Variants in SEPTIN3 observed in about 807,000 individuals in gnomAD.
SEPTIN3 encodes the protein neuronal-specific septin-3.
Under a neutral mutation model 45.1 loss-of-function variants are expected in SEPTIN3, and 15 were observed. The observed-to-expected ratio is 0.33, with a 90% CI of 0.22 to 0.51. The LOEUF is 0.51. SEPTIN3 is among the 20% of genes least tolerant of loss of function. The pLI is 0.97. For synonymous variants in SEPTIN3, 148 were observed against 164.8 expected (o/e 0.90, Z 0.78); for missense variants, 289 against 457.2 (o/e 0.63, Z 3.35).
In SEPTIN3 at chr22:41,985,861, G is replaced by A. The variant is rs1345886010; in HGVS notation, c.1697-123G>A. 4.8e-6 allele frequency: 6 copies of A among 1,241,234 alleles called. No individual in the cohort carries two copies. In the East Asian group the frequency reaches 1.4e-4, roughly 29 times the overall value. The allele number at this position is 1,241,234 out of a possible 1,614,324, so 76.9% of individuals were successfully genotyped here. A position where few individuals can be genotyped will look rare whatever the true frequency, so the allele number is the denominator to read the frequency against. ...CCCCACTCAGCCTGGCCATCCCCCA[G>A]TGAGTGGTCAGACAAGGTGTGGCCT... On this transcript the variant is annotated intron_variant, in intron 3 of 11. Transcript: ENST00000644076.
chr22:41,993,666 T>A (rs932485808), intron 9 of SEPTIN3, among the ~76,000 whole-genome samples: 1 of 151,880 alleles, frequency 6.6e-6, no homozygotes, highest in African/African-American at 2.4e-5. Context: ...ATTTTATTTT[T>A]ATTTTTAATA....
Position 41,994,444 on chromosome 22 carries a change from A to G in SEPTIN3, c.2411+103A>G, listed in dbSNP as rs2146727341. 2 of 1,507,978 alleles carry G rather than the reference A, an allele frequency of 1.3e-6. No homozygotes were observed. The highest frequency in any genetic ancestry group is 1.8e-6 in the Non-Finnish European group (2 of 1,091,734). 93.4% of individuals were successfully genotyped at this position (1,507,978 alleles called of 1,614,324 possible). On this transcript the variant is annotated intron_variant, in intron 10 of 11. Transcript: ENST00000644076. This position sits in a 1 kb window ranked among gnomAD's most constrained non-coding sequence, Gnocchi z 4.2. ...TCCTGCATCTCCAGGTCTCTCTGACAGAGCTTTCTGCCCCAGTTCCAGCTC... is the reference window on the plus strand; with the variant it reads ...TCCTGCATCTCCAGGTCTCTCTGACGGAGCTTTCTGCCCCAGTTCCAGCTC...
intron 2 of SEPTIN3, among the ~76,000 whole-genome samples, chr22:41,980,327 A>G (rs2078102089): frequency 6.6e-6 from 1 of 151,936 alleles, no homozygotes; most frequent in Admixed American, 6.6e-5. Context: ...TAATAGAGAC[A>G]GGGTTTCACT....
At chr22:41,978,358 A>C (rs1407396074) in intron 2 of SEPTIN3, among the ~76,000 whole-genome samples, 2 of 152,216 alleles carry the variant, frequency 1.3e-5, no homozygotes, top group African/African-American at 4.8e-5. Flanking sequence ...CCCGCCCTAA[A>C]GAAGGGTGAG....
chr22:41,994,920 T>TGTGTGA lies in SEPTIN3; in HGVS notation c.2505+209_2505+210insTGAGTG, dbSNP rs1556270935. 7.0e-7 allele frequency: 1 copy of TGTGTGA among 1,433,600 alleles called. No homozygotes were observed. Among genetic ancestry groups the TGTGTGA allele is most frequent in the Non-Finnish European group, 9.2e-7 (1 of 1,090,684 alleles). 88.8% of individuals were successfully genotyped at this position (1,433,600 alleles called of 1,614,324 possible). On this transcript the variant is annotated intron_variant, in intron 11 of 11. Transcript: ENST00000644076. This position sits in a 1 kb window ranked among gnomAD's most constrained non-coding sequence, Gnocchi z 4.2. The stretch of plus-strand genomic sequence containing the variant: ...GTGTGTGTGTGTGTGTGTGTGTGTG[T>TGTGTGA]GTGACAGAGAGAGAGCGAGAGAGCC...
At chr22:41,990,484 G>A (rs540269140) in intron 7 of SEPTIN3, among the ~76,000 whole-genome samples, 29 of 150,976 alleles carry the variant, frequency 1.9e-4, no homozygotes, top group South Asian at 4.2e-4. Flanking sequence ...GGTGGCTCAT[G>A]CCTGTAATCC....
At position 41,972,797 on chromosome 22, in the gene SEPTIN3, G is replaced by C; in HGVS notation, c.1305G>C (p.Val435=). 2.5e-6 allele frequency: 1 copy of C among 399,160 alleles called. No individual in the cohort carries two copies. Among genetic ancestry groups the C allele is most frequent in the Non-Finnish European group, 4.4e-6 (1 of 226,156 alleles). 24.7% of individuals were successfully genotyped at this position (399,160 alleles called of 1,614,324 possible). ...ACACAAGCAGGATGGGCACAGCTGTGGGTTCAGTTGTGCCAGTAACCCCAG... is the reference window on the plus strand; with the variant it reads ...ACACAAGCAGGATGGGCACAGCTGTCGGTTCAGTTGTGCCAGTAACCCCAG... ...ALDTSRMGTA[V]GSVVPVTPDP... The change falls in exon 2 of 12, where the codon GTG becomes GTC. Residue 435 remains valine, a synonymous_variant. Transcript: ENST00000644076.
At chr22:41,979,972 T>C (rs550028052) in intron 2 of SEPTIN3, among the ~76,000 whole-genome samples, 2 of 152,104 alleles carry the variant, frequency 1.3e-5, no homozygotes, top group Non-Finnish European at 2.9e-5. Flanking sequence ...GAAGGTGTCC[T>C]CAAGAGCACA....
chr22:41,978,714 T>G (rs1225837422), intron 2 of SEPTIN3, among the ~76,000 whole-genome samples: 1 of 152,184 alleles, frequency 6.6e-6, no homozygotes, highest in African/African-American at 2.4e-5. Flanking sequence ...GAATTTCGCC[T>G]AGGGCTTGGC....
chr22:41,995,641 A>T lies in SEPTIN3; in HGVS notation c.2505+927A>T, dbSNP rs1181841111. 3 of 985,264 alleles carry T rather than the reference A, an allele frequency of 3.0e-6. No individual in the cohort carries two copies. In the African/African-American group the frequency reaches 5.2e-5, roughly 17 times the overall value. 61.0% of individuals were successfully genotyped at this position (985,264 alleles called of 1,614,324 possible). On this transcript the variant is annotated intron_variant, in intron 11 of 11. Transcript: ENST00000644076. ...TATGCCCAGTCTACTTCCAGAAATG[A>T]CTTTAGACTGCCTTTCACATAAAAT...
intron 7 of SEPTIN3, among the ~76,000 whole-genome samples, 183 bp from the exon 8 acceptor site, chr22:41,991,390 T>C (rs541564745): frequency 2.0e-5 from 3 of 152,276 alleles, no homozygotes; most frequent in South Asian, 2.1e-4. Flanking sequence ...TGTAATTGTA[T>C]AGCTGGGGCT....
chr22:41,978,342 C>CACGG (rs1328652274), intron 2 of SEPTIN3, among the ~76,000 whole-genome samples: 1 of 152,204 alleles, frequency 6.6e-6, no homozygotes, highest in Non-Finnish European at 1.5e-5. Context: ...ATCAATAAGA[C>CACGG]ACGGCCCCGC....
chr22:41,978,397 T>C (rs1262770429), intron 2 of SEPTIN3, among the ~76,000 whole-genome samples: 1 of 152,204 alleles, frequency 6.6e-6, no homozygotes, highest in Non-Finnish European at 1.5e-5. Context: ...CCAGATAATT[T>C]ACATTCTTCA....
intron 2 of SEPTIN3, among the ~76,000 whole-genome samples, chr22:41,973,826 CAA>C: frequency 6.7e-6 from 1 of 149,322 alleles, no homozygotes; most frequent in East Asian, 2.0e-4. Context: ...ACTAAAAATA[CAA>C]AAGTTAGCCA....
chr22:41,996,839 T>A, intron 11 of SEPTIN3, 63 bp from the exon 12 acceptor site: 1 of 1,607,542 alleles, frequency 6.2e-7, no homozygotes. Context: ...GGAGAAGGTA[T>A]TTTATATGTC....
intron 11 of SEPTIN3, chr22:41,995,552 T>A (rs1287649768): frequency 1.0e-6 from 1 of 985,108 alleles, no homozygotes; most frequent in African/African-American, 1.8e-5. Context: ...CTCCTGCGTG[T>A]CTCTGACATC....
chr22:41,980,284 C>G (rs2078101155), intron 2 of SEPTIN3, among the ~76,000 whole-genome samples: 2 of 151,920 alleles, frequency 1.3e-5, no homozygotes, highest in Non-Finnish European at 2.9e-5. Flanking sequence ...ATTACAGGCG[C>G]CTGCCACCAT....
chr22:41,980,918 G>C lies in SEPTIN3; in HGVS notation c.1505-727G>C, dbSNP rs531612479. The stretch of plus-strand genomic sequence containing the variant: ...TGGGAGGGTGTCTGGGCTCCTTCAG[G>C]TACAGACACCCCTACTCTGCAGTGG... On this transcript the variant is annotated intron_variant, in intron 2 of 11. Coordinates refer to ENST00000644076, the MANE Select transcript of SEPTIN3 (RefSeq NM_001363845.2). 8.5e-5 allele frequency among the ~76,000 whole-genome samples: 13 copies of C among 152,214 alleles called. 2 individuals carry two copies. The South Asian group carries it at 2.3e-3, about 27-fold the overall frequency.
In SEPTIN3 at chr22:41,994,642, G is replaced by T; in HGVS notation, c.2433G>T (p.Lys811Asn). 6.2e-7 allele frequency: 1 copy of T among 1,614,124 alleles called. No homozygotes were observed. The highest frequency in any genetic ancestry group is 1.1e-5 in the South Asian group (1 of 91,076). Residue 811 changes from lysine (K) to asparagine (N), a missense_variant, in exon 11 of 12, where the codon AAG becomes AAT. Physicochemically the swap from Lys to Asn is moderately conservative, Grantham distance 94. Coordinates refer to ENST00000644076, the MANE Select transcript of SEPTIN3 (RefSeq NM_001363845.2). The surrounding 1 kb of genome is among the most constrained non-coding windows in gnomAD (Gnocchi z 4.2). The stretch of plus-strand genomic sequence containing the variant: ...CTAGGACCCACCTCCAGGACCTCAA[G>T]GAAGTGACACACAACATCCACTATG... ...FVIRTHLQDL[K>N]EVTHNIHYET...
Sources: allele counts gnomAD v4.1 joint callset (sites outside exome capture counted in the v4.1 genomes callset), GRCh38; gene constraint gnomAD v4.1.1; non-coding constraint Gnocchi (gnomAD v3.1); transcripts MANE v1.5; gene names NCBI Gene and HGNC (gene_info 2026-07-23, HGNC 2026-07-21).